The following MAGI2 variants were observed in gnomAD, a reference collection of about 807,000 sequenced individuals.
MAGI2 encodes the protein membrane associated guanylate kinase, WW and PDZ domain containing 2.
Under a neutral mutation model 133.3 loss-of-function variants are expected in MAGI2, and 35 were observed. The observed-to-expected ratio is 0.26, with a 90% confidence interval of 0.20 to 0.35. MAGI2 has a LOEUF of 0.35. Ranked by LOEUF, MAGI2 falls within the 10% of genes least tolerant of loss-of-function variation. MAGI2 has a pLI of 1.00. For synonymous variants in MAGI2, 729 were observed against 710.6 expected, an observed-to-expected ratio of 1.03 and a Z score of -0.41; for missense variants, 1,636 against 1,863.4, an observed-to-expected ratio of 0.88 and a Z score of 2.25.
At chr7:78,377,696 G>A (rs1398872413) in intron 6 of MAGI2, among the ~76,000 whole-genome samples, 1 of 151,552 alleles carries the variant, frequency 6.6e-6, no homozygotes, top group African/African-American at 2.4e-5. Context: ...ATCCACTGAG[G>A]AATCTGTACT....
chr7:78,819,599 TAGAG>T (rs989226211), intron 2 of MAGI2, among the ~76,000 whole-genome samples: 3 of 152,010 alleles, frequency 2.0e-5, no homozygotes, highest in African/African-American at 4.8e-5. Context: ...GTGTCTGTAT[TAGAG>T]AGAGACAGAG....
At chr7:79,392,302 A>T (rs1414195748) in intron 1 of MAGI2, among the ~76,000 whole-genome samples, 1 of 152,194 alleles carries the variant, frequency 6.6e-6, no homozygotes, top group East Asian at 1.9e-4. Context: ...TATTGGAGAC[A>T]GTGCTGCAAT....
intron 2 of MAGI2, among the ~76,000 whole-genome samples, chr7:78,855,026 TG>T (rs1197879895): frequency 7.4e-6 from 1 of 134,834 alleles, no homozygotes; most frequent in Non-Finnish European, 1.6e-5. Flanking sequence ...CAAATTTTTC[TG>T]TTTTTTTTTT....
chr7:78,806,077 G>A (rs983708249), intron 2 of MAGI2, among the ~76,000 whole-genome samples: 3 of 152,164 alleles, frequency 2.0e-5, no homozygotes, highest in Admixed American at 2.0e-4. Flanking sequence ...GAACACACAA[G>A]TAACTGACAG....
chr7:78,906,055 AG>A (rs1249942920), intron 2 of MAGI2, among the ~76,000 whole-genome samples: 1 of 152,240 alleles, frequency 6.6e-6, no homozygotes, highest in Admixed American at 6.5e-5. Flanking sequence ...GATGGAAGCA[AG>A]GACATGAAAA....
chr7:78,502,547 C>T lies in MAGI2; in HGVS notation c.755-760G>A, dbSNP rs115913882. Among the ~76,000 whole-genome samples, 586 of 149,218 alleles carry T rather than the reference C, an allele frequency of 3.9e-3. 3 individuals are homozygous for T. Among genetic ancestry groups the T allele is most frequent in the African/African-American group, 0.014 (556 of 40,528 alleles). Reference sequence around the variant, plus strand: ...TAGAGAGAGAGAAAGACCACCTTCACATAACTTTCATAATAGTATATTGTT... The same window carrying T: ...TAGAGAGAGAGAAAGACCACCTTCATATAACTTTCATAATAGTATATTGTT... On this transcript the variant is annotated intron_variant, in intron 4 of 21. Transcript: ENST00000354212.
intron 3 of MAGI2, among the ~76,000 whole-genome samples, chr7:78,589,579 G>C (rs543469407): frequency 3.3e-5 from 5 of 152,226 alleles, no homozygotes; most frequent in East Asian, 1.9e-4. Context: ...CCCTAATTCC[G>C]TGAGTGAGAG....
intron 9 of MAGI2, among the ~76,000 whole-genome samples, chr7:78,304,181 C>T (rs919051921): frequency 6.6e-6 from 1 of 152,044 alleles, no homozygotes; most frequent in Non-Finnish European, 1.5e-5. Context: ...GGACTATTGC[C>T]TTCCTTTCTG....
intron 1 of MAGI2, among the ~76,000 whole-genome samples, chr7:79,018,541 A>C (rs192551531): frequency 1.4e-3 from 208 of 152,304 alleles, no homozygotes; most frequent in Non-Finnish European, 2.9e-4. Context: ...AAATCCACAC[A>C]TATCAACACT....
At chr7:78,044,678 C>CGT (rs58076536) in intron 21 of MAGI2, among the ~76,000 whole-genome samples, 25,836 of 126,244 alleles carry the variant, frequency 0.2, 2,395 homozygotes, top group Non-Finnish European at 0.23. Flanking sequence ...GCTAATGTAC[C>CGT]GTGTGTGTGT....
chr7:78,602,168 C>T (rs775566576), intron 3 of MAGI2, among the ~76,000 whole-genome samples: 3 of 151,464 alleles, frequency 2.0e-5, no homozygotes, highest in South Asian at 2.1e-4. Context: ...TTTTTTGAGA[C>T]GGAGTTTCAT....
chr7:78,461,199 G>A (rs1047433193), intron 6 of MAGI2, among the ~76,000 whole-genome samples: 2 of 152,002 alleles, frequency 1.3e-5, no homozygotes, highest in East Asian at 1.9e-4. Context: ...TACTGTTTGC[G>A]AAGAGGTGGA....
At chr7:78,940,520 A>G (rs1352241315) in intron 2 of MAGI2, 1 of 152,158 alleles carries the variant, frequency 6.6e-6, no homozygotes, top group African/African-American at 2.4e-5. Context: ...GAGTAAACCT[A>G]GCAGCTCCTT....
intron 2 of MAGI2, among the ~76,000 whole-genome samples, chr7:78,710,611 G>A (rs1217015893): frequency 2.6e-5 from 4 of 152,130 alleles, no homozygotes; most frequent in African/African-American, 4.8e-5. Flanking sequence ...TTGATGAACC[G>A]TAGTGATCAA....
At chr7:78,663,270 G>T (rs1419462603) in intron 2 of MAGI2, among the ~76,000 whole-genome samples, 1 of 140,306 alleles carries the variant, frequency 7.1e-6, no homozygotes. Context: ...GCAGTGGCCT[G>T]ATCTCTGCTC....
chr7:79,330,537 T>A (rs943700695), intron 1 of MAGI2, among the ~76,000 whole-genome samples: 2 of 152,132 alleles, frequency 1.3e-5, no homozygotes, highest in Non-Finnish European at 2.9e-5. Context: ...AGAGAGTCAC[T>A]TTATACTGAG....
At chr7:79,162,775 A>G (rs1379078371) in intron 1 of MAGI2, among the ~76,000 whole-genome samples, 11 of 152,108 alleles carry the variant, frequency 7.2e-5, no homozygotes, top group Non-Finnish European at 5.9e-5. Context: ...AACAATGCTT[A>G]TGTTTTCTAT....
intron 3 of MAGI2, among the ~76,000 whole-genome samples, chr7:78,527,006 C>CAAAAAAAAAAAAAAAAAAAAAAA (rs55707442): frequency 2.4e-4 from 11 of 45,344 alleles, no homozygotes; most frequent in Non-Finnish European, 4.9e-4. Context: ...GACTCCATCT[C>CAAAAAAAAAAAAAAAAAAAAAAA]AAAAAAAAAA....
chr7:79,054,722 T>C (rs1290983828), intron 1 of MAGI2, among the ~76,000 whole-genome samples: 1 of 152,200 alleles, frequency 6.6e-6, no homozygotes. Flanking sequence ...TTACTCCCTA[T>C]GGTTTTTGTT....
Sources: allele counts gnomAD v4.1 joint callset (sites outside exome capture counted in the v4.1 genomes callset), GRCh38; gene constraint gnomAD v4.1.1; transcripts MANE v1.5; gene names NCBI Gene and HGNC (gene_info 2026-07-23, HGNC 2026-07-21).